C5: variants seen among roughly 807,000 people sequenced by gnomAD.
C5 encodes complement C5, also known as C3 and PZP-like alpha-2-macroglobulin domain-containing protein 4.
C5 carries 140 observed loss-of-function variants against 218.8 expected under a neutral mutation model. The observed-to-expected ratio is 0.64, with a 90% confidence interval of 0.56 to 0.74. C5 has a LOEUF of 0.74. Among genes scored for constraint, C5 ranks in the 30% least tolerant of loss-of-function variants. The probability of loss-of-function intolerance (pLI) is 0.00; values close to 1 mark genes in which losing one functional copy is unlikely to be tolerated. For synonymous variants in C5, 614 were observed against 682.3 expected, an observed-to-expected ratio of 0.90 and a Z score of 1.56; for missense variants, 1,700 against 1,969.6, an observed-to-expected ratio of 0.86 and a Z score of 2.59.
chr9:121,017,212 G>T, intron 14 of C5, 150 bp downstream of exon 14: 1 of 828,140 alleles, frequency 1.2e-6, no homozygotes, highest in Non-Finnish European at 2.0e-6. Flanking sequence ...TGCTTTGGGA[G>T]CTGACAGGAG....
At chr9:121,063,985 G>A in the C5 span, among the ~76,000 whole-genome samples, 9 of 152,144 alleles carry the variant, frequency 5.9e-5, no homozygotes, top group African/African-American at 2.2e-4. Context: ...TGAATCTTGA[G>A]ATATTTCTTT....
At chr9:120,993,751 T>G (rs534352442) in intron 22 of C5, among the ~76,000 whole-genome samples, 1 of 152,248 alleles carries the variant, frequency 6.6e-6, no homozygotes, top group African/African-American at 2.4e-5. Context: ...AAGCCTTGAG[T>G]GTAACAACTT....
At chr9:121,026,080 C>T (rs945331952) in intron 8 of C5, among the ~76,000 whole-genome samples, 25 of 152,152 alleles carry the variant, frequency 1.6e-4, no homozygotes, top group African/African-American at 5.8e-4. Context: ...TAAAATTGAG[C>T]GACTTGAGGG....
chr9:120,965,777 T>A (rs1012180133), intron 33 of C5, among the ~76,000 whole-genome samples: 3 of 152,136 alleles, frequency 2.0e-5, no homozygotes, highest in African/African-American at 7.2e-5. Flanking sequence ...TGCAAACACT[T>A]TGTCAGCAGG....
upstream of C5, among the ~76,000 whole-genome samples, chr9:121,055,109 C>G (rs1430502327): frequency 2.0e-5 from 3 of 151,996 alleles, no homozygotes; most frequent in African/African-American, 7.3e-5. Flanking sequence ...AGATGTCCTG[C>G]TTTTTTGGGC....
the C5 span, among the ~76,000 whole-genome samples, chr9:121,074,509 A>C: frequency 6.6e-6 from 1 of 152,234 alleles, no homozygotes; most frequent in Non-Finnish European, 1.5e-5. Flanking sequence ...TTCGCTTTAG[A>C]TACGACTGTC....
At position 120,982,808 on chromosome 9, in the gene C5, T is replaced by C. The variant is rs543377578; in HGVS notation, c.3237A>G (p.Thr1079=). Residue 1079 remains threonine (T), a synonymous_variant, in exon 26 of 41, where the codon ACA becomes ACG. Coordinates refer to ENST00000223642, the MANE Select transcript of C5 (RefSeq NM_001735.3). The stretch of plus-strand genomic sequence containing the variant: ...GTCCAAGTACTCTTAAAGCAAAAGC[T>C]GTTAACCTTTAAGACAAAATCAAAT... ...WKGGSASTWL[T]AFALRVLGQV... 10 of 1,569,792 alleles carry C rather than the reference T, an allele frequency of 6.4e-6. No homozygotes were observed. The Admixed American group carries it at 1.3e-4, about 21-fold the overall frequency.
chr9:120,975,712 C>G (rs2046948282), intron 29 of C5, among the ~76,000 whole-genome samples: 1 of 152,174 alleles, frequency 6.6e-6, no homozygotes, highest in Non-Finnish European at 1.5e-5. Flanking sequence ...CCAGGTGCAG[C>G]CCCCCTGATC....
chr9:120,996,378 C>T (rs755942276), intron 21 of C5, 78 bp from the exon 22 acceptor site: 2 of 1,271,758 alleles, frequency 1.6e-6, no homozygotes, highest in Non-Finnish European at 2.3e-6. Context: ...CTTTTCTGGA[C>T]CACTTTTCAA....
the C5 span, among the ~76,000 whole-genome samples, chr9:121,059,460 T>C: frequency 2.0e-5 from 3 of 152,232 alleles, no homozygotes; most frequent in African/African-American, 7.2e-5. The surrounding 1 kb of genome is among the most constrained non-coding windows in gnomAD (Gnocchi z 4.1). Flanking sequence ...CCACCTTCTT[T>C]GGTTCCACTG....
chr9:120,973,035 C>T (rs984760006), intron 30 of C5, among the ~76,000 whole-genome samples: 7 of 152,150 alleles, frequency 4.6e-5, no homozygotes, highest in Admixed American at 3.9e-4. Context: ...TGTTACAGAA[C>T]AGGGGAATTC....
chr9:121,021,158 C>A (rs1435599330), intron 11 of C5, among the ~76,000 whole-genome samples: 8 of 152,128 alleles, frequency 5.3e-5, no homozygotes, highest in Admixed American at 4.6e-4. Flanking sequence ...ATATTTTTGA[C>A]CCTTTTGTGG....
intron 27 of C5, 122 bp from the exon 28 acceptor site, chr9:120,980,376 TAATGGA>T: frequency 1.2e-6 from 1 of 808,376 alleles, no homozygotes. Flanking sequence ...AGGACTGACC[TAATGGA>T]AATGGATGGC....
chr9:121,043,700 CTTTTTT>C lies in C5; in HGVS notation c.259-540_259-535del, dbSNP rs34794535. On this transcript the variant is annotated intron_variant, in intron 2 of 40. Coordinates refer to ENST00000223642, the MANE Select transcript of C5 (RefSeq NM_001735.3). The stretch of plus-strand genomic sequence containing the variant: ...GGTGTGCGCCACCATGTCCAGCTAA[CTTTTTT>C]TTTTTTTTTTTTTTGTATTTTTAAT... Among the ~76,000 whole-genome samples, 7 of 120,644 alleles carry C rather than the reference CTTTTTT, an allele frequency of 5.8e-5. No individual in the cohort carries two copies. In the East Asian group the frequency reaches 1.5e-3, roughly 26 times the overall value. The allele number at this position is 120,644 out of a possible 152,430, so 79.1% of individuals were successfully genotyped here. A position where few individuals can be genotyped will look rare whatever the true frequency, so the allele number is the denominator to read the frequency against.
chr9:120,967,364 C>T (rs773090546), intron 33 of C5, among the ~76,000 whole-genome samples: 23 of 151,854 alleles, frequency 1.5e-4, no homozygotes, highest in Non-Finnish European at 2.9e-4. Flanking sequence ...ATTTGGCAGG[C>T]GACTTTATCT....
chr9:121,016,137 T>C (rs1262303584), intron 15 of C5, 117 bp downstream of exon 15: 1 of 1,294,250 alleles, frequency 7.7e-7, no homozygotes, highest in Non-Finnish European at 1.1e-6. Flanking sequence ...AGGTGAGTTA[T>C]GTAGTCTTGG....
At position 120,962,743 on chromosome 9, in the gene C5, G is replaced by A. The variant is rs138933092; in HGVS notation, c.4432C>T (p.Arg1478Trp). The change falls in exon 36 of 41, where the codon CGG (arginine) becomes TGG (tryptophan). Residue 1478 changes from arginine to tryptophan, a missense_variant. Physicochemically the swap from Arg to Trp is moderately radical, Grantham distance 101. Coordinates refer to ENST00000223642, the MANE Select transcript of C5 (RefSeq NM_001735.3). Reference sequence around the variant, plus strand: ...CCAACTTCAAAGAGTTCAAATATCCGGAATCGTACACAAAGGAAATCACTG... The same window carrying A: ...CCAACTTCAAAGAGTTCAAATATCCAGAATCGTACACAAAGGAAATCACTG... ...PSSDFLCVRFRIFELFEVGFL... is the reference protein window; with the variant it reads ...PSSDFLCVRFWIFELFEVGFL... 6.3e-5 allele frequency: 102 copies of A among 1,613,982 alleles called. No individual in the cohort carries two copies. Among genetic ancestry groups the A allele is most frequent in the East Asian group, 5.8e-4 (26 of 44,870 alleles).
the C5 span, among the ~76,000 whole-genome samples, chr9:121,065,075 AT>A: frequency 0.075 from 902 of 12,012 alleles, 14 homozygotes; most frequent in East Asian, 0.21. Flanking sequence ...ATCTAAAAAA[AT>A]ATATATATAT....
intron 3 of C5, 29 bp from the exon 4 acceptor site, chr9:121,037,980 C>G: frequency 9.5e-7 from 1 of 1,047,864 alleles, no homozygotes; most frequent in East Asian, 2.5e-5. Context: ...TAATCAAAAA[C>G]TCTGCTAAAA....
Sources: gnomAD v4.1 joint callset for allele counts (sites outside exome capture counted in the v4.1 genomes callset) on GRCh38, gnomAD v4.1.1 for gene constraint, Gnocchi (gnomAD v3.1) non-coding constraint, MANE v1.5 for transcripts, NCBI Gene and HGNC (gene_info 2026-07-23, HGNC 2026-07-21) for gene names.